Variants in CBFB observed in about 807,000 individuals in gnomAD.
CBFB encodes the protein CBF-beta.
Under a neutral mutation model 30.4 loss-of-function variants are expected in CBFB, and 9 were observed. The observed-to-expected ratio is 0.30, with a 90% CI of 0.18 to 0.52. The LOEUF is 0.52. Among genes scored for constraint, CBFB ranks in the 20% least tolerant of loss-of-function variants. The pLI is 0.97. For missense variants in CBFB, 170 were observed against 244.0 expected, an observed-to-expected ratio of 0.70 and a Z score of 2.02; for synonymous variants, 94 against 84.0, an observed-to-expected ratio of 1.12 and a Z score of -0.65.
At chr16:67,069,168 T>G (rs1961146107) in intron 4 of CBFB, among the ~76,000 whole-genome samples, 1 of 151,980 alleles carries the variant, frequency 6.6e-6, no homozygotes, top group African/African-American at 2.4e-5. Context: ...GAGCTGAGAT[T>G]GCACCATTGC....
At chr16:67,087,272 T>C (rs116557277) in intron 5 of CBFB, among the ~76,000 whole-genome samples, 3,082 of 152,322 alleles carry the variant, frequency 0.02, 98 homozygotes, top group African/African-American at 0.07. Context: ...CTAAGAATTT[T>C]CTATTCTAAA....
chr16:67,059,644 G>A (rs757757521), intron 3 of CBFB, among the ~76,000 whole-genome samples: 2 of 152,146 alleles, frequency 1.3e-5, no homozygotes, highest in Non-Finnish European at 2.9e-5. Context: ...TTTAGCCTGC[G>A]TTCCTTCAGG....
At chr16:67,076,410 A>G (rs1436777050) in intron 4 of CBFB, among the ~76,000 whole-genome samples, 1 of 151,796 alleles carries the variant, frequency 6.6e-6, no homozygotes, top group Non-Finnish European at 1.5e-5. Flanking sequence ...TTTAAAAAAC[A>G]TCACATGTTA....
At chr16:67,059,100 C>CT (rs1372526586) in intron 3 of CBFB, among the ~76,000 whole-genome samples, 10 of 152,138 alleles carry the variant, frequency 6.6e-5, no homozygotes, top group African/African-American at 2.4e-4. Flanking sequence ...TACCTAGAAA[C>CT]TATGATCTTT....
intron 3 of CBFB, among the ~76,000 whole-genome samples, chr16:67,063,736 G>GGT (rs1666940157): frequency 6.6e-6 from 1 of 151,940 alleles, no homozygotes; most frequent in African/African-American, 2.4e-5. Context: ...CCAGCCAGAG[G>GGT]GTATAAATTC....
intron 3 of CBFB, among the ~76,000 whole-genome samples, chr16:67,055,626 G>A (rs913046136): frequency 8.6e-5 from 13 of 151,698 alleles, no homozygotes; most frequent in African/African-American, 3.1e-4. Flanking sequence ...AAAGTGCTGG[G>A]ATTACAGGTG....
intron 4 of CBFB, among the ~76,000 whole-genome samples, chr16:67,077,871 C>A (rs1961445729): frequency 6.6e-6 from 1 of 152,180 alleles, no homozygotes; most frequent in Non-Finnish European, 1.5e-5. Flanking sequence ...ACTGCTAAGC[C>A]TTTATTTTCC....
chr16:67,077,469 T>C (rs1275861243), intron 4 of CBFB, among the ~76,000 whole-genome samples: 1 of 152,246 alleles, frequency 6.6e-6, no homozygotes, highest in Non-Finnish European at 1.5e-5. Context: ...AGTTACGTGC[T>C]ACAGATTGAT....
rs754795321 is a variant in CBFB at position 67,029,464 on chromosome 16, G to A, written c.57G>A (p.Arg19=). The change falls in exon 1 of 6, where the codon AGG becomes AGA. Residue 19 remains arginine (R), a synonymous_variant. Coordinates refer to ENST00000412916, the MANE Select transcript of CBFB (RefSeq NM_022845.3). ...RSKFENEEFF[R]KLSRECEIKY... ...AGTTCGAGAACGAGGAGTTTTTTAG[G>A]AAGCTGAGCCGCGAGTGTGAGGTGA... The A allele has an allele frequency of 8.2e-6, 13 of 1,591,754 alleles. No individual in the cohort carries two copies. Among genetic ancestry groups the A allele is most frequent in the Non-Finnish European group, 1.1e-5 (13 of 1,170,436 alleles).
At chr16:67,029,895 C>A in intron 2 of CBFB, 82 bp downstream of exon 2, 2 of 850,150 alleles carry the variant, frequency 2.4e-6, no homozygotes, top group Non-Finnish European at 3.4e-6. Flanking sequence ...GACGGCGGCG[C>A]GGCTGCTGCG....
chr16:67,055,542 G>T (rs528650413), intron 3 of CBFB, among the ~76,000 whole-genome samples: 2 of 151,652 alleles, frequency 1.3e-5, no homozygotes, highest in East Asian at 3.9e-4. Context: ...TTTTTTAGTA[G>T]AGATGGGGTT....
chr16:67,058,534 G>C (rs758773670), intron 3 of CBFB, among the ~76,000 whole-genome samples: 1 of 151,988 alleles, frequency 6.6e-6, no homozygotes, highest in Admixed American at 6.6e-5. Context: ...TTTTTGGGTG[G>C]GTGAAATAAA....
intron 2 of CBFB, among the ~76,000 whole-genome samples, chr16:67,036,126 C>T (rs1966436934): frequency 1.3e-5 from 2 of 152,106 alleles, no homozygotes; most frequent in African/African-American, 2.4e-5. Context: ...ACATCCCATG[C>T]CAATGTATGG....
intron 4 of CBFB, among the ~76,000 whole-genome samples, chr16:67,077,114 A>G (rs988935404): frequency 3.3e-5 from 5 of 152,200 alleles, no homozygotes; most frequent in African/African-American, 1.2e-4. Flanking sequence ...TTCTTATACA[A>G]TATGTGTTCC....
intron 5 of CBFB, among the ~76,000 whole-genome samples, chr16:67,089,460 GA>G (rs1961823668): frequency 6.6e-6 from 1 of 152,034 alleles, no homozygotes. Context: ...TAATTATTTA[GA>G]AAAAAATAAA....
intron 4 of CBFB, among the ~76,000 whole-genome samples, chr16:67,073,123 G>A (rs189750004): frequency 6.6e-6 from 1 of 152,230 alleles, no homozygotes; most frequent in East Asian, 1.9e-4. Context: ...TGTAAACTAC[G>A]TAAAAAATTG....
At chr16:67,054,506 G>C (rs996274137) in intron 3 of CBFB, among the ~76,000 whole-genome samples, 1 of 152,142 alleles carries the variant, frequency 6.6e-6, no homozygotes, top group Non-Finnish European at 1.5e-5. Flanking sequence ...GCCCTTTACA[G>C]TATGGCAGCT....
chr16:67,071,841 C>T (rs1031497211), intron 4 of CBFB, among the ~76,000 whole-genome samples: 7 of 152,134 alleles, frequency 4.6e-5, no homozygotes, highest in Non-Finnish European at 7.3e-5. Context: ...AGGGTTTCCA[C>T]TCTTCTCCAG....
In CBFB at chr16:67,052,711, C is replaced by G. The variant is rs1056713964; in HGVS notation, c.283-13971C>G. 4.6e-5 allele frequency among the ~76,000 whole-genome samples: 7 copies of G among 151,826 alleles called. 1 individual carries two copies. Among genetic ancestry groups the G allele is most frequent in the Admixed American group, 4.6e-4 (7 of 15,220 alleles). ...GTATGGTGGCTCACACCTATAATTG[C>G]AGCACTTTCAGAGGTTAAGGAGGGA... On this transcript the variant is annotated intron_variant, in intron 3 of 5. Transcript: ENST00000412916.
Sources: allele counts gnomAD v4.1 joint callset (sites outside exome capture counted in the v4.1 genomes callset), GRCh38; gene constraint gnomAD v4.1.1; transcripts MANE v1.5; gene names NCBI Gene and HGNC (gene_info 2026-07-23, HGNC 2026-07-21).